Variants in GRXCR1 observed in about 807,000 individuals in gnomAD.
The protein encoded by GRXCR1 is glutaredoxin and cysteine rich domain containing 1, also known as glutaredoxin domain-containing cysteine-rich protein 1.
Under a neutral mutation model 27.3 loss-of-function variants are expected in GRXCR1, and 27 were observed. The ratio of observed to expected loss-of-function variants is 0.99; its 90% CI spans 0.73 to 1.37. The LOEUF is 1.37. GRXCR1 is among the 40% of genes most tolerant of loss of function. The pLI, the probability that GRXCR1 is intolerant of heterozygous loss-of-function variation, is 0.00. For synonymous variants in GRXCR1, 122 were observed against 131.1 expected (o/e 0.93, Z 0.47); for missense variants, 379 against 354.4 (o/e 1.07, Z -0.56).
At chr4:43,002,940 A>G (rs757143252) in intron 2 of GRXCR1, among the ~76,000 whole-genome samples, 6 of 152,190 alleles carry the variant, frequency 3.9e-5, no homozygotes, top group Non-Finnish European at 5.9e-5. Context: ...AGCTGATTGG[A>G]TCATGAGGAG....
intron 1 of GRXCR1, among the ~76,000 whole-genome samples, chr4:42,932,615 TATATAGAGAGAGAGAGAGAG>T (rs1294450331): frequency 3.8e-4 from 13 of 33,940 alleles, no homozygotes; most frequent in South Asian, 1.5e-3. Context: ...TATATATATA[TATATAGAGAGAGAGAGAGAG>T]AGAGAGAGAG....
chr4:42,939,927 T>C (rs2109762233), intron 1 of GRXCR1, among the ~76,000 whole-genome samples: 1 of 152,086 alleles, frequency 6.6e-6, no homozygotes, highest in Non-Finnish European at 1.5e-5. Flanking sequence ...ATCTATTTTT[T>C]CCCCTTAGTT....
chr4:42,949,233 C>T (rs1053787235), intron 1 of GRXCR1, among the ~76,000 whole-genome samples: 1 of 151,472 alleles, frequency 6.6e-6, no homozygotes, highest in South Asian at 2.1e-4. Flanking sequence ...GGTGTGGTGG[C>T]CCGTGCCTAT....
chr4:42,991,761 C>A (rs536881612), intron 2 of GRXCR1, among the ~76,000 whole-genome samples: 2 of 152,044 alleles, frequency 1.3e-5, no homozygotes, highest in African/African-American at 4.8e-5. Flanking sequence ...GTATGTATAT[C>A]TGTGATTTAT....
chr4:43,029,401 C>T (rs918633441), intron 3 of GRXCR1, among the ~76,000 whole-genome samples: 1 of 152,158 alleles, frequency 6.6e-6, no homozygotes, highest in African/African-American at 2.4e-5. Context: ...GCCAGGGTTT[C>T]AAACACTGCT....
At chr4:43,003,378 T>A (rs774859927) in intron 2 of GRXCR1, among the ~76,000 whole-genome samples, 2 of 152,126 alleles carry the variant, frequency 1.3e-5, no homozygotes, top group African/African-American at 4.8e-5. Context: ...AGTGGGGCAT[T>A]GCTATAAAGA....
intron 2 of GRXCR1, among the ~76,000 whole-genome samples, chr4:43,010,900 TCTTACA>T (rs1204033591): frequency 2.6e-5 from 4 of 152,204 alleles, no homozygotes; most frequent in African/African-American, 9.7e-5. Context: ...CTCATTTATT[TCTTACA>T]CTGCTACATG....
At chr4:42,976,183 G>T (rs765441021) in intron 2 of GRXCR1, among the ~76,000 whole-genome samples, 8 of 151,924 alleles carry the variant, frequency 5.3e-5, no homozygotes, top group African/African-American at 1.5e-4. Context: ...TAGTACTTTG[G>T]ACCTCTGCAC....
intron 1 of GRXCR1, among the ~76,000 whole-genome samples, chr4:42,912,665 C>G (rs1268141834): frequency 2.6e-5 from 4 of 152,140 alleles, no homozygotes; most frequent in Admixed American, 2.6e-4. Context: ...ATTTTCTATA[C>G]TTTGCCCTTA....
At chr4:42,915,591 A>G (rs187613070) in intron 1 of GRXCR1, among the ~76,000 whole-genome samples, 182 of 152,314 alleles carry the variant, frequency 1.2e-3, no homozygotes, top group Non-Finnish European at 8.8e-4. Context: ...ACAAAACAAC[A>G]GAGTAGCTTG....
intron 1 of GRXCR1, among the ~76,000 whole-genome samples, chr4:42,912,062 T>C (rs1189674339): frequency 6.6e-6 from 1 of 152,122 alleles, no homozygotes; most frequent in Non-Finnish European, 1.5e-5. Context: ...AATGTATATC[T>C]TGGTTTTCCC....
At chr4:42,954,895 G>T (rs1032478234) in intron 1 of GRXCR1, among the ~76,000 whole-genome samples, 1 of 152,150 alleles carries the variant, frequency 6.6e-6, no homozygotes, top group Non-Finnish European at 1.5e-5. Flanking sequence ...GCAAGAATAA[G>T]AATTCAAGAT....
chr4:43,015,859 T>C (rs2109805026), intron 2 of GRXCR1, among the ~76,000 whole-genome samples: 1 of 152,132 alleles, frequency 6.6e-6, no homozygotes, highest in East Asian at 1.9e-4. Flanking sequence ...TTTTGGTTAA[T>C]GTGAACTTTA....
chr4:42,932,026 C>T (rs1476428803), intron 1 of GRXCR1, among the ~76,000 whole-genome samples: 1 of 151,946 alleles, frequency 6.6e-6, no homozygotes, highest in Non-Finnish European at 1.5e-5. Context: ...ATCAGGCAAA[C>T]AGCACGGAAA....
In GRXCR1 at chr4:42,963,228, G is replaced by C. The variant is rs878935677; in HGVS notation, c.627+94G>C. On this transcript the variant is annotated intron_variant, in intron 2 of 3. Transcript: ENST00000399770. The stretch of plus-strand genomic sequence containing the variant: ...CTATACATTTGCAGCGTAACTACTG[G>C]AACACTTGCTGGTTTTTTTGGAGCT... The C allele has an allele frequency of 1.2e-5, 17 of 1,441,638 alleles. No homozygotes were observed. In the South Asian group the frequency reaches 1.8e-4, roughly 16 times the overall value. The allele number at this position is 1,441,638 out of a possible 1,614,324, so 89.3% of individuals were successfully genotyped here.
rs1482476156 is a variant in GRXCR1, at chr4:42,893,397, C to T, written c.131C>T (p.Ser44Phe). The T allele has an allele frequency of 1.9e-6, 3 of 1,613,800 alleles. No individual in the cohort carries two copies. The highest frequency in any genetic ancestry group is 3.3e-5 in the Admixed American group (2 of 59,982). Residue 44 changes from serine (S) to phenylalanine (F), a missense_variant, in exon 1 of 4, where the codon TCT becomes TTT. Physicochemically the swap from Ser to Phe is radical, Grantham distance 155 (BLOSUM62 -2). Coordinates refer to ENST00000399770, the MANE Select transcript of GRXCR1 (RefSeq NM_001080476.3). ...EDGQPSGSLD[S>F]ECASICGIDG... ...GGGCAACCGTCAGGCTCTCTGGATT[C>T]TGAATGTGCCAGTATCTGTGGGATA...
intron 2 of GRXCR1, among the ~76,000 whole-genome samples, chr4:43,004,959 G>A (rs2062002255): frequency 6.6e-6 from 1 of 152,086 alleles, no homozygotes; most frequent in African/African-American, 2.4e-5. Flanking sequence ...GTTCAGGGGT[G>A]GAATGACATG....
chr4:42,904,510 C>A (rs1177014237), intron 1 of GRXCR1, among the ~76,000 whole-genome samples: 2 of 152,084 alleles, frequency 1.3e-5, no homozygotes, highest in African/African-American at 4.8e-5. Flanking sequence ...GGGAGATGAC[C>A]TGGTTTCAGA....
chr4:43,003,861 C>A (rs1712465452), intron 2 of GRXCR1, among the ~76,000 whole-genome samples: 1 of 152,108 alleles, frequency 6.6e-6, no homozygotes, highest in African/African-American at 2.4e-5. Flanking sequence ...GCAGCCTGAC[C>A]ATGTGGTAGA....
Sources: allele counts gnomAD v4.1 joint callset (sites outside exome capture counted in the v4.1 genomes callset), GRCh38; gene constraint gnomAD v4.1.1; transcripts MANE v1.5; gene names NCBI Gene and HGNC (gene_info 2026-07-23, HGNC 2026-07-21).